The following SPON2 variants were observed in gnomAD, a reference collection of about 807,000 sequenced individuals.
The protein encoded by SPON2 is spondin 2.
In SPON2, 32 loss-of-function variants were observed where a neutral mutation model predicts 29.9. The ratio of observed to expected loss-of-function variants is 1.07; its 90% confidence interval spans 0.81 to 1.44. The LOEUF (loss-of-function observed/expected upper bound fraction) is 1.44. SPON2 is among the 40% of genes most tolerant of loss of function. The pLI, the probability that SPON2 is intolerant of heterozygous loss-of-function variation, is 0.00. For missense variants in SPON2, 541 were observed against 455.5 expected, an observed-to-expected ratio of 1.19 and a Z score of -1.71; for synonymous variants, 248 against 209.1, an observed-to-expected ratio of 1.19 and a Z score of -1.61.
intron 5 of SPON2, among the ~76,000 whole-genome samples, chr4:1,169,606 C>T (rs115239868): frequency 0.02 from 3,057 of 152,264 alleles, 101 homozygotes; most frequent in African/African-American, 0.07. Context: ...AGGTGTGGGG[C>T]GGCCCCGTAC....
chr4:1,167,555 C>T lies in SPON2; in HGVS notation c.913G>A (p.Val305Ile), dbSNP rs1201286338. 1.4e-5 allele frequency: 23 copies of T among 1,613,504 alleles called. No individual in the cohort carries two copies. The highest frequency in any genetic ancestry group is 1.9e-5 in the Non-Finnish European group (22 of 1,180,020). ...CCGTTGTTGGCGGGCTGGACCCGGA[C>T]GTAGCGAGTCCTGCTCTTGGTCCCG... ...RLGTKSRTRY[V>I]RVQPANNGSP... Residue 305 changes from valine to isoleucine, a missense_variant, in exon 6 of 6, where the codon GTC becomes ATC. Transcript: ENST00000290902.
At chr4:1,192,109 G>A (rs1727925754) in intron 1 of SPON2, among the ~76,000 whole-genome samples, 1 of 152,256 alleles carries the variant, frequency 6.6e-6, no homozygotes. Context: ...GCTCAGGCCT[G>A]TCCACGGCTG....
intron 4 of SPON2, 168 bp downstream of exon 4, chr4:1,170,831 G>A (rs1459640648): frequency 1.9e-6 from 2 of 1,069,230 alleles, no homozygotes; most frequent in African/African-American, 1.6e-5. Flanking sequence ...GGAGAGTATG[G>A]GAGGGCTGCA....
At chr4:1,177,950 T>G (rs969180876), upstream of SPON2, among the ~76,000 whole-genome samples, 5 of 152,084 alleles carry the variant, frequency 3.3e-5, no homozygotes, top group Non-Finnish European at 7.4e-5. Context: ...AAAACCCACC[T>G]GAAAAGTCCT....
intron 1 of SPON2, among the ~76,000 whole-genome samples, chr4:1,188,203 A>G (rs1727841176): frequency 8.0e-6 from 1 of 125,338 alleles, no homozygotes; most frequent in Non-Finnish European, 1.7e-5. Flanking sequence ...ACTCCGTCTC[A>G]AAAAAAAAAA....
chr4:1,171,732 T>G, intron 2 of SPON2, 120 bp downstream of exon 2: 1 of 835,182 alleles, frequency 1.2e-6, no homozygotes, highest in Admixed American at 2.0e-5. Context: ...CATTCTGGTG[T>G]TAGAGTCTCC....
upstream of SPON2, among the ~76,000 whole-genome samples, chr4:1,176,149 C>T (rs981754309): frequency 2.6e-5 from 4 of 152,068 alleles, no homozygotes; most frequent in Non-Finnish European, 5.9e-5. Flanking sequence ...AGGCCAGTGA[C>T]GGAGTGATCT....
chr4:1,184,297 A>G (rs965640452), intron 1 of SPON2, among the ~76,000 whole-genome samples: 1 of 152,218 alleles, frequency 6.6e-6, no homozygotes, highest in Non-Finnish European at 1.5e-5. Context: ...AAATGAATTA[A>G]ACTCTCTACT....
chr4:1,167,984 C>G (rs1727301904), intron 5 of SPON2: 1 of 289,264 alleles, frequency 3.5e-6, no homozygotes, highest in African/African-American at 2.2e-5. Flanking sequence ...AGGGCGGACA[C>G]CCCTGCTGTA....
At position 1,178,578 on chromosome 4, in the gene SPON2, G is replaced by T. The variant is rs368133027; in HGVS notation, c.-145+870C>A. Among the ~76,000 whole-genome samples the T allele has an allele frequency of 1.4e-3, 218 of 152,200 alleles. 6 individuals carry two copies. The South Asian group carries it at 0.044, about 30-fold the overall frequency. ...CACGTGCAGCTCTCCCTACCTAAAG[G>T]ATTCTTCCTGTGCTGCCTTCTTCCT... On this transcript the variant is annotated intron_variant, in intron 2 of 3. Coordinates refer to the SPON2 transcript ENST00000502483.
At position 1,167,459 on chromosome 4, in the gene SPON2, C is replaced by CG. The variant is rs1560198887; in HGVS notation, c.*12dup. 2 of 1,607,346 alleles carry CG rather than the reference C, an allele frequency of 1.2e-6. No individual in the cohort carries two copies. Among genetic ancestry groups the CG allele is most frequent in the South Asian group, 1.1e-5 (1 of 90,346 alleles). ...TGGCTCCGGGGGGCCCCAGGGGCTG[C>CG]GGGGCTCTGGTCTTAGACGCAGTTA... On this transcript the variant is annotated 3_prime_UTR_variant, in exon 6 of 6. Coordinates refer to ENST00000290902, the MANE Select transcript of SPON2 (RefSeq NM_012445.4).
At chr4:1,169,249 C>G (rs1384732957) in intron 5 of SPON2, among the ~76,000 whole-genome samples, 1 of 152,112 alleles carries the variant, frequency 6.6e-6, no homozygotes, top group Non-Finnish European at 1.5e-5. Flanking sequence ...GCTCTTCCCG[C>G]CAGACCAGTT....
chr4:1,169,938 T>G, intron 5 of SPON2: 1 of 171,878 alleles, frequency 5.8e-6, no homozygotes, highest in Non-Finnish European at 1.2e-5. Flanking sequence ...GCTAGGAGAA[T>G]GCTCATCAGC....
intron 1 of SPON2, among the ~76,000 whole-genome samples, chr4:1,189,260 CT>C (rs1431765177): frequency 1.3e-5 from 2 of 151,790 alleles, no homozygotes; most frequent in African/African-American, 4.8e-5. Flanking sequence ...AACCTTCCAC[CT>C]AAAGAAACGA....
At chr4:1,181,159 T>C (rs538211426) in intron 1 of SPON2, among the ~76,000 whole-genome samples, 69 of 152,312 alleles carry the variant, frequency 4.5e-4, no homozygotes, top group Admixed American at 1.4e-3. Context: ...ACTCATCTCA[T>C]ACAGGAGATC....
intron 5 of SPON2, chr4:1,168,102 G>C (rs1727306630): frequency 5.9e-6 from 1 of 168,146 alleles, no homozygotes; most frequent in African/African-American, 2.4e-5. Context: ...ACAGGACTCA[G>C]ACCTTTTCAG....
At chr4:1,177,871 G>A (rs1035805942), upstream of SPON2, among the ~76,000 whole-genome samples, 12 of 152,144 alleles carry the variant, frequency 7.9e-5, no homozygotes, top group Non-Finnish European at 1.6e-4. Context: ...GGGAGCGGCC[G>A]TCTCCTCCAG....
chr4:1,172,194 T>G (rs1426906721), intron 1 of SPON2, 120 bp from the exon 2 acceptor site: 2 of 807,336 alleles, frequency 2.5e-6, no homozygotes, highest in African/African-American at 3.4e-5. Context: ...CGCGACCCCC[T>G]CCCTGCTCCG....
At chr4:1,172,150 G>T (rs1281814630) in intron 1 of SPON2, 76 bp from the exon 2 acceptor site, 1 of 1,305,414 alleles carries the variant, frequency 7.7e-7, no homozygotes. Flanking sequence ...AGAGGGCTGC[G>T]GCACTTTGGG....
Sources: allele counts gnomAD v4.1 joint callset (sites outside exome capture counted in the v4.1 genomes callset), GRCh38; gene constraint gnomAD v4.1.1; transcripts MANE v1.5; gene names NCBI Gene and HGNC (gene_info 2026-07-23, HGNC 2026-07-21).